The following UIMC1 variants were observed in gnomAD, a reference collection of about 807,000 sequenced individuals.
The protein encoded by UIMC1 is ubiquitin interaction motif containing 1.
In UIMC1, 42 loss-of-function variants were observed where a neutral mutation model predicts 84.9. The ratio of observed to expected loss-of-function variants is 0.49; its 90% CI spans 0.39 to 0.64. The LOEUF is 0.64. Among genes scored for constraint, UIMC1 ranks in the 30% least tolerant of loss-of-function variants. The pLI is 0.00. For synonymous variants in UIMC1, 281 were observed against 293.0 expected (o/e 0.96, Z 0.42); for missense variants, 825 against 847.6 (o/e 0.97, Z 0.33).
Position 176,906,026 on chromosome 5 carries a change from T to A in UIMC1, c.1934A>T (p.Glu645Val), listed in dbSNP as rs1282376095. 6.2e-7 allele frequency: 1 copy of A among 1,614,088 alleles called. No homozygotes were observed. Among genetic ancestry groups the A allele is most frequent in the African/African-American group, 1.3e-5 (1 of 75,056 alleles). ...TCCAATTCACCTGAAGGCTCCTGTT[T>A]CTGAAGACTTGATGTCTGCATCTGT... is the stretch of plus-strand genomic sequence containing the variant. ...KTSDADIKSS[E>V]TGAFRVPSPG... The change falls in exon 14 of 15, where the codon GAA becomes GTA. Residue 645 changes from glutamate to valine, a missense_variant. Coordinates refer to ENST00000511320, the MANE Select transcript of UIMC1 (RefSeq NM_001199298.2).
At chr5:176,987,373 C>T (rs1003823034) in intron 1 of UIMC1, among the ~76,000 whole-genome samples, 13 of 152,076 alleles carry the variant, frequency 8.5e-5, no homozygotes, top group Admixed American at 7.9e-4. Flanking sequence ...TGGCTGGGCA[C>T]AGTGGCTCAT....
chr5:176,959,828 TCAAG>T (rs1767111014), intron 6 of UIMC1, among the ~76,000 whole-genome samples: 1 of 151,660 alleles, frequency 6.6e-6, no homozygotes, highest in Non-Finnish European at 1.5e-5. Context: ...GGTCGGGAGT[TCAAG>T]ACCAGCCTGA....
chr5:176,965,785 T>C (rs543593955), intron 6 of UIMC1, among the ~76,000 whole-genome samples: 8 of 152,368 alleles, frequency 5.3e-5, no homozygotes, highest in African/African-American at 1.7e-4. Context: ...TCCAGGCTAC[T>C]GCAAAGGCAG....
intron 1 of UIMC1, among the ~76,000 whole-genome samples, chr5:176,991,149 A>G (rs1772781229): frequency 6.6e-6 from 1 of 151,836 alleles, no homozygotes; most frequent in African/African-American, 2.4e-5. Flanking sequence ...CTGGGATTAC[A>G]GGCGCCCGCC....
At chr5:176,931,351 C>T (rs755718085) in intron 10 of UIMC1, among the ~76,000 whole-genome samples, 2 of 152,134 alleles carry the variant, frequency 1.3e-5, no homozygotes, top group Non-Finnish European at 2.9e-5. Flanking sequence ...ATTCCTTTAA[C>T]ACATAATGCT....
At chr5:176,915,255 T>C (rs75576180) in intron 10 of UIMC1, among the ~76,000 whole-genome samples, 10 of 151,276 alleles carry the variant, frequency 6.6e-5, no homozygotes, top group South Asian at 2.1e-4. Flanking sequence ...TTTTTTTTTT[T>C]TCTCTTCAGC....
At chr5:176,918,076 A>G (rs1761243459) in intron 10 of UIMC1, among the ~76,000 whole-genome samples, 1 of 152,242 alleles carries the variant, frequency 6.6e-6, no homozygotes, top group South Asian at 2.1e-4. Flanking sequence ...CTATCATTGC[A>G]CAAGTTCCCA....
At chr5:176,951,659 C>G (rs984387033) in intron 8 of UIMC1, 82 bp from the exon 9 acceptor site, 3 of 1,059,324 alleles carry the variant, frequency 2.8e-6, no homozygotes, top group African/African-American at 3.3e-5. Flanking sequence ...CTATTTTCAC[C>G]TAAAGTTTAG....
At chr5:176,988,424 G>A (rs1320210385) in intron 1 of UIMC1, among the ~76,000 whole-genome samples, 1 of 152,034 alleles carries the variant, frequency 6.6e-6, no homozygotes, top group Non-Finnish European at 1.5e-5. Flanking sequence ...AGACATAAAA[G>A]GCACATATTG....
chr5:176,938,362 AG>A (rs772528748), intron 10 of UIMC1, among the ~76,000 whole-genome samples: 1 of 152,116 alleles, frequency 6.6e-6, no homozygotes, highest in Non-Finnish European at 1.5e-5. Flanking sequence ...GTCTCTGGCA[AG>A]GAAGATGGGG....
intron 1 of UIMC1, among the ~76,000 whole-genome samples, chr5:176,989,224 C>A (rs1772461972): frequency 6.6e-6 from 1 of 152,052 alleles, no homozygotes; most frequent in Admixed American, 6.6e-5. Flanking sequence ...TTAAAAAATT[C>A]TAAATTAAGG....
intron 14 of UIMC1, chr5:176,905,728 C>T: frequency 3.2e-6 from 2 of 631,672 alleles, no homozygotes; most frequent in Non-Finnish European, 5.4e-6. Context: ...TCCCAAGCTG[C>T]TTGAGAATCC....
chr5:176,991,517 A>G (rs1772827932), intron 1 of UIMC1, among the ~76,000 whole-genome samples: 1 of 151,648 alleles, frequency 6.6e-6, no homozygotes, highest in Non-Finnish European at 1.5e-5. Flanking sequence ...TCGGGAGCTC[A>G]AGACCAGCCT....
chr5:176,941,160 A>G (rs1330167245), intron 10 of UIMC1, among the ~76,000 whole-genome samples: 1 of 152,220 alleles, frequency 6.6e-6, no homozygotes, highest in Admixed American at 6.5e-5. Context: ...CAGGTTACCA[A>G]ATATTATGTA....
chr5:176,905,217 A>G lies in UIMC1; in HGVS notation c.*65T>C. ...GCTCAACAATGAACTAGGGACCACT[A>G]TGGCTTAATGAACATGGCCCACCCC... On this transcript the variant is annotated 3_prime_UTR_variant, in exon 15 of 15. Transcript: ENST00000511320. 1.9e-6 allele frequency: 3 copies of G among 1,553,816 alleles called. No homozygotes were observed. In the South Asian group the frequency reaches 3.5e-5, roughly 18 times the overall value.
chr5:176,951,683 T>C, intron 8 of UIMC1, 106 bp from the exon 9 acceptor site: 1 of 723,840 alleles, frequency 1.4e-6, no homozygotes. Flanking sequence ...ATGACAATAC[T>C]GTGGTGGCAA....
intron 1 of UIMC1, among the ~76,000 whole-genome samples, chr5:176,992,664 G>C (rs1208726978): frequency 6.6e-6 from 1 of 151,904 alleles, no homozygotes. Context: ...TAATTAGCTG[G>C]GTATGGTGGC....
chr5:176,982,057 G>A (rs1771136277), intron 2 of UIMC1, among the ~76,000 whole-genome samples: 1 of 152,188 alleles, frequency 6.6e-6, no homozygotes, highest in African/African-American at 2.4e-5. Flanking sequence ...GTGCAACAGA[G>A]AAGCTGATTT....
rs1181666242 is a variant in UIMC1, at chr5:176,951,406, G to A, written c.1443+68C>T. The A allele has an allele frequency of 1.7e-5, 21 of 1,209,538 alleles. 1 individual carries two copies. The highest frequency in any genetic ancestry group is 8.7e-5 in the South Asian group (4 of 45,968). The allele number at this position is 1,209,538 out of a possible 1,614,324, so 74.9% of individuals were successfully genotyped here. ...CTAAATCTTTTCAGCCAATGTCAACGTTGCATCAGAGAGAGGACTGCCAAC... is the reference window on the plus strand; with the variant it reads ...CTAAATCTTTTCAGCCAATGTCAACATTGCATCAGAGAGAGGACTGCCAAC... On this transcript the variant is annotated intron_variant, in intron 9 of 14. Coordinates refer to ENST00000511320, the MANE Select transcript of UIMC1 (RefSeq NM_001199298.2).
Sources: allele counts gnomAD v4.1 joint callset (sites outside exome capture counted in the v4.1 genomes callset), GRCh38; gene constraint gnomAD v4.1.1; transcripts MANE v1.5; gene names NCBI Gene and HGNC (gene_info 2026-07-23, HGNC 2026-07-21).